The following LINGO2 variants were observed in gnomAD, a reference collection of about 807,000 sequenced individuals.
LINGO2 encodes the protein leucine rich repeat and Ig domain containing 2, also known as leucine-rich repeat and immunoglobulin-like domain-containing nogo receptor-interacting protein 2.
A neutral mutation model predicts 30.6 loss-of-function variants in LINGO2; 14 were observed. That is an observed-to-expected ratio of 0.46 (90% CI 0.30 to 0.72). The LOEUF is 0.72. LINGO2 is among the 30% of genes least tolerant of loss of function. The pLI is 0.07. For missense variants in LINGO2, 729 were observed against 751.7 expected (o/e 0.97, Z 0.35); for synonymous variants, 317 against 288.5 (o/e 1.10, Z -1.00).
the LINGO2 span, among the ~76,000 whole-genome samples, chr9:29,139,346 T>C: frequency 6.6e-6 from 1 of 152,178 alleles, no homozygotes; most frequent in Admixed American, 6.6e-5. Flanking sequence ...AACTCTGGGA[T>C]AGTAAGCATA....
At chr9:29,115,352 A>G in the LINGO2 span, among the ~76,000 whole-genome samples, 1 of 152,084 alleles carries the variant, frequency 6.6e-6, no homozygotes, top group Non-Finnish European at 1.5e-5. Context: ...ATTGGTAATG[A>G]TCTTCCTACA....
the LINGO2 span, among the ~76,000 whole-genome samples, chr9:29,090,624 T>C: frequency 2.9e-4 from 44 of 152,146 alleles, no homozygotes; most frequent in African/African-American, 9.6e-4. Context: ...AAAGAAAACA[T>C]ATTTTAGTAA....
the LINGO2 span, among the ~76,000 whole-genome samples, chr9:28,835,183 T>C: frequency 2.6e-5 from 4 of 152,320 alleles, no homozygotes; most frequent in Admixed American, 2.6e-4. Flanking sequence ...ATTAAATATT[T>C]GCACAGAGAA....
intron 2 of LINGO2, among the ~76,000 whole-genome samples, chr9:28,439,570 A>G (rs1274125024): frequency 6.6e-6 from 1 of 151,988 alleles, no homozygotes; most frequent in Non-Finnish European, 1.5e-5. Flanking sequence ...TAGAGTTCTC[A>G]TGAGATCTAG....
At chr9:28,960,405 C>G in the LINGO2 span, among the ~76,000 whole-genome samples, 1 of 151,644 alleles carries the variant, frequency 6.6e-6, no homozygotes, top group East Asian at 2.0e-4. Flanking sequence ...GAGGCTGAGG[C>G]AGGAGAATCA....
chr9:28,936,851 T>A, the LINGO2 span, among the ~76,000 whole-genome samples: 4 of 152,170 alleles, frequency 2.6e-5, no homozygotes, highest in Admixed American at 2.6e-4. Flanking sequence ...ATTTATTTTC[T>A]TATAGTCCTG....
intron 2 of LINGO2, among the ~76,000 whole-genome samples, chr9:28,427,928 A>G (rs796388189): frequency 2.6e-5 from 4 of 152,254 alleles, no homozygotes; most frequent in African/African-American, 9.6e-5. Flanking sequence ...TCTTCAATTG[A>G]GACCCTTGAA....
At chr9:28,540,305 G>A (rs1055472632) in intron 1 of LINGO2, among the ~76,000 whole-genome samples, 5 of 149,800 alleles carry the variant, frequency 3.3e-5, no homozygotes, top group African/African-American at 1.2e-4. Context: ...TGTTACCCAG[G>A]CTGGAATACA....
chr9:28,052,133 C>G (rs764615049), intron 4 of LINGO2, among the ~76,000 whole-genome samples: 1 of 151,914 alleles, frequency 6.6e-6, no homozygotes, highest in East Asian at 1.9e-4. Context: ...AATTTTAATT[C>G]GTTAAAGAAG....
chr9:28,997,477 T>C, the LINGO2 span, among the ~76,000 whole-genome samples: 1 of 152,146 alleles, frequency 6.6e-6, no homozygotes, highest in Non-Finnish European at 1.5e-5. Context: ...TTAAATACTA[T>C]GATGTGATAT....
At chr9:28,681,920 T>C in the LINGO2 span, among the ~76,000 whole-genome samples, 1 of 152,138 alleles carries the variant, frequency 6.6e-6, no homozygotes, top group African/African-American at 2.4e-5. Context: ...TTAGTCTAAA[T>C]GGACCCATAA....
At chr9:28,963,878 C>T in the LINGO2 span, among the ~76,000 whole-genome samples, 1,077 of 151,850 alleles carry the variant, frequency 7.1e-3, 18 homozygotes, top group African/African-American at 0.024. Context: ...AAGGTGATTA[C>T]AGTAACAATA....
chr9:29,202,696 C>G, the LINGO2 span, among the ~76,000 whole-genome samples: 2 of 151,896 alleles, frequency 1.3e-5, no homozygotes, highest in African/African-American at 4.8e-5. Flanking sequence ...AACTTCATAC[C>G]CTTCCTTGAG....
At chr9:28,220,963 G>T (rs1258473533) in intron 4 of LINGO2, among the ~76,000 whole-genome samples, 7 of 152,110 alleles carry the variant, frequency 4.6e-5, no homozygotes, top group East Asian at 3.9e-4. Context: ...CCATTGTATA[G>T]CATGGTGACT....
At chr9:28,792,599 G>A in the LINGO2 span, among the ~76,000 whole-genome samples, 98 of 152,012 alleles carry the variant, frequency 6.4e-4, no homozygotes, top group East Asian at 0.014. Context: ...GTATTTATTG[G>A]ATTATTCAGC....
At chr9:28,072,333 A>G (rs993298783) in intron 4 of LINGO2, among the ~76,000 whole-genome samples, 13 of 152,204 alleles carry the variant, frequency 8.5e-5, no homozygotes, top group Admixed American at 2.6e-4. Flanking sequence ...TGTTCCCAAG[A>G]GGTGACCATG....
At chr9:28,686,229 T>C in the LINGO2 span, among the ~76,000 whole-genome samples, 1 of 152,050 alleles carries the variant, frequency 6.6e-6, no homozygotes, top group Non-Finnish European at 1.5e-5. Flanking sequence ...ATGTAAGTCT[T>C]TGTGCTAAGT....
chr9:28,315,009 C>CAAAA lies in LINGO2; in HGVS notation c.-245-19647_-245-19644dup, dbSNP rs10715487. Among the ~76,000 whole-genome samples, 13 of 120,546 alleles carry CAAAA rather than the reference C, an allele frequency of 1.1e-4. No homozygotes were observed. The East Asian group carries it at 1.7e-3, about 15-fold the overall frequency. 79.1% of individuals were successfully genotyped at this position (120,546 alleles called of 152,430 possible). ...TGGGTGACAGAGCAAGACTACGTCT[C>CAAAA]AAAAAAAAAAAAAAAAGAAACAAAA... is the stretch of plus-strand genomic sequence containing the variant. On this transcript the variant is annotated intron_variant, in intron 3 of 5. Transcript: ENST00000379992.
the LINGO2 span, among the ~76,000 whole-genome samples, chr9:29,084,277 G>A: frequency 1.3e-5 from 2 of 152,064 alleles, no homozygotes; most frequent in Non-Finnish European, 2.9e-5. Flanking sequence ...ATTGGACAAT[G>A]AAGTACTGTG....
Sources: gnomAD v4.1 joint callset for allele counts (sites outside exome capture counted in the v4.1 genomes callset) on GRCh38, gnomAD v4.1.1 for gene constraint, MANE v1.5 for transcripts, NCBI Gene and HGNC (gene_info 2026-07-23, HGNC 2026-07-21) for gene names.